AKR1E2: variants seen among roughly 807,000 people sequenced by gnomAD.
The protein encoded by AKR1E2 is aldo-keto reductase family 1 member E2.
Under a neutral mutation model 41.9 loss-of-function variants are expected in AKR1E2, and 43 were observed. The ratio of observed to expected loss-of-function variants is 1.03; its 90% confidence interval spans 0.80 to 1.32. AKR1E2 has a LOEUF of 1.32. Among genes scored for constraint, AKR1E2 ranks in the 40% most tolerant of loss-of-function variants. The pLI is 0.00. For missense variants in AKR1E2, 423 were observed against 396.5 expected, an observed-to-expected ratio of 1.07 and a Z score of -0.57; for synonymous variants, 121 against 138.9, an observed-to-expected ratio of 0.87 and a Z score of 0.91.
chr10:4,849,885 T>C (rs1158776726), downstream of AKR1E2, among the ~76,000 whole-genome samples: 2 of 152,188 alleles, frequency 1.3e-5, no homozygotes, highest in Non-Finnish European at 2.9e-5. Context: ...TAACAGGAGA[T>C]GGCAGCCTTT....
upstream of AKR1E2, among the ~76,000 whole-genome samples, chr10:4,825,775 C>T (rs1832430504): frequency 1.3e-5 from 2 of 152,220 alleles, no homozygotes. Context: ...ACTCTGCACC[C>T]TGACCCTAGA....
At position 4,847,743 on chromosome 10, in the gene AKR1E2, G is replaced by A. The variant is rs1002797031; in HGVS notation, c.*213G>A. On this transcript the variant is annotated 3_prime_UTR_variant, in exon 10 of 10. Transcript: ENST00000298375. ...ATGGGGTTTCTCCAAGACAGCCTGTGTGGCCTCTACTCTGAACAAATACAC... is the reference window on the plus strand; with the variant it reads ...ATGGGGTTTCTCCAAGACAGCCTGTATGGCCTCTACTCTGAACAAATACAC... 1.2e-5 allele frequency: 7 copies of A among 591,344 alleles called. No individual in the cohort carries two copies. Among genetic ancestry groups the A allele is most frequent in the Middle Eastern group, 4.0e-4 (1 of 2,492 alleles). The allele number at this position is 591,344 out of a possible 1,614,324, so 36.6% of individuals were successfully genotyped here. A position where few individuals can be genotyped will look rare whatever the true frequency, so the allele number is the denominator to read the frequency against.
the AKR1E2 span, among the ~76,000 whole-genome samples, chr10:4,860,144 C>T: frequency 1.3e-5 from 2 of 152,214 alleles, no homozygotes; most frequent in African/African-American, 4.8e-5. Flanking sequence ...AAGGCCTACA[C>T]TATCCCCCCA....
the AKR1E2 span, among the ~76,000 whole-genome samples, chr10:4,853,195 C>T: frequency 2.6e-5 from 4 of 152,012 alleles, no homozygotes; most frequent in East Asian, 3.9e-4. Flanking sequence ...ACAAGATTGG[C>T]GTTGTTTTAT....
intron 5 of AKR1E2, among the ~76,000 whole-genome samples, chr10:4,837,923 G>T (rs1274968855): frequency 2.0e-5 from 3 of 152,190 alleles, no homozygotes. Context: ...CCTCTTCCCA[G>T]CCTGCAGACT....
At chr10:4,864,767 G>A in the AKR1E2 span, among the ~76,000 whole-genome samples, 1 of 151,936 alleles carries the variant, frequency 6.6e-6, no homozygotes, top group Non-Finnish European at 1.5e-5. Flanking sequence ...AAAGTCTCAG[G>A]ATACAAAATC....
intron 3 of AKR1E2, 157 bp downstream of exon 3, chr10:4,833,623 T>C: frequency 1.5e-6 from 1 of 689,614 alleles, no homozygotes; most frequent in Non-Finnish European, 2.6e-6. Flanking sequence ...GGCAGTCCTC[T>C]TGATATCTCT....
At chr10:4,829,717 G>A (rs1469184650) in intron 1 of AKR1E2, among the ~76,000 whole-genome samples, 1 of 151,850 alleles carries the variant, frequency 6.6e-6, no homozygotes, top group Admixed American at 6.6e-5. Flanking sequence ...ATAGTTATTG[G>A]TAATATTTTC....
intron 5 of AKR1E2, among the ~76,000 whole-genome samples, chr10:4,838,290 T>C (rs888828226): frequency 6.6e-6 from 1 of 152,124 alleles, no homozygotes; most frequent in Admixed American, 6.5e-5. Flanking sequence ...TTTACACAGG[T>C]AAAATAAAAT....
chr10:4,834,222 C>T (rs1277751611), intron 3 of AKR1E2, among the ~76,000 whole-genome samples: 1 of 152,250 alleles, frequency 6.6e-6, no homozygotes, highest in African/African-American at 2.4e-5. Context: ...TGCTGCTCAG[C>T]AGTCTTCTAC....
chr10:4,857,585 T>C, the AKR1E2 span, among the ~76,000 whole-genome samples: 1 of 152,214 alleles, frequency 6.6e-6, no homozygotes, highest in Non-Finnish European at 1.5e-5. Flanking sequence ...CTTTGTAAAT[T>C]ACCCAGTCTC....
At chr10:4,828,075 A>T (rs1832688071) in intron 1 of AKR1E2, among the ~76,000 whole-genome samples, 1 of 152,240 alleles carries the variant, frequency 6.6e-6, no homozygotes, top group Non-Finnish European at 1.5e-5. Context: ...GTGAATAAAC[A>T]TCACAGACCT....
chr10:4,833,273 G>T, intron 2 of AKR1E2, 77 bp from the exon 3 acceptor site: 1 of 1,190,462 alleles, frequency 8.4e-7, no homozygotes, highest in Non-Finnish European at 1.3e-6. Flanking sequence ...CAAGACAGTA[G>T]CTTTGTGGGG....
chr10:4,825,489 C>A (rs529350627), upstream of AKR1E2, among the ~76,000 whole-genome samples: 1 of 152,268 alleles, frequency 6.6e-6, no homozygotes, highest in Admixed American at 6.5e-5. Flanking sequence ...CAAACGGGGG[C>A]CCGAGGCTGC....
At position 4,847,141 on chromosome 10, in the gene AKR1E2, G is replaced by A. The variant is rs995607005; in HGVS notation, c.838-7G>A. On this transcript the variant is annotated splice_polypyrimidine_tract_variant and splice_region_variant and intron_variant, in intron 8 of 9. Transcript: ENST00000298375. The stretch of plus-strand genomic sequence containing the variant: ...AGTTTTCTACAAACATTGTGTTTTG[G>A]TTCCAGGTGTTTGATTTTGAATTAA... The A allele has an allele frequency of 1.2e-6, 2 of 1,613,370 alleles. No individual in the cohort carries two copies. The highest frequency in any genetic ancestry group is 1.7e-5 in the Admixed American group (1 of 59,886).
In AKR1E2 at chr10:4,841,991, C is replaced by T. The variant is rs539641605; in HGVS notation, c.753+134C>T. 234 of 691,904 alleles carry T rather than the reference C, an allele frequency of 3.4e-4. No individual in the cohort carries two copies. The African/African-American group carries it at 3.6e-3, about 11-fold the overall frequency. The allele number at this position is 691,904 out of a possible 1,614,324, so 42.9% of individuals were successfully genotyped here. Reference sequence around the variant, plus strand: ...GAGTCCATGACTCATTAGAACCTCCCAGCGTCAAGCAGAATTTGGTCTGCA... The same window carrying T: ...GAGTCCATGACTCATTAGAACCTCCTAGCGTCAAGCAGAATTTGGTCTGCA... On this transcript the variant is annotated intron_variant, in intron 7 of 9. Coordinates refer to ENST00000298375, the MANE Select transcript of AKR1E2 (RefSeq NM_001040177.3).
the AKR1E2 span, among the ~76,000 whole-genome samples, chr10:4,864,768 A>T: frequency 6.6e-6 from 1 of 152,224 alleles, no homozygotes; most frequent in Non-Finnish European, 1.5e-5. Flanking sequence ...AAGTCTCAGG[A>T]TACAAAATCA....
downstream of AKR1E2, among the ~76,000 whole-genome samples, chr10:4,852,869 C>T (rs1301890556): frequency 6.6e-6 from 1 of 152,142 alleles, no homozygotes; most frequent in Non-Finnish European, 1.5e-5. Context: ...TGAGGCCTCT[C>T]TCCAGGACTT....
the AKR1E2 span, among the ~76,000 whole-genome samples, chr10:4,866,288 C>A: frequency 5.3e-5 from 8 of 152,194 alleles, no homozygotes; most frequent in African/African-American, 1.9e-4. Flanking sequence ...GAAAAGAATC[C>A]AAAGAGAGGA....
Sources: gnomAD v4.1 joint callset for allele counts (sites outside exome capture counted in the v4.1 genomes callset) on GRCh38, gnomAD v4.1.1 for gene constraint, MANE v1.5 for transcripts, NCBI Gene and HGNC (gene_info 2026-07-23, HGNC 2026-07-21) for gene names.